ACBD5: variants seen among roughly 807,000 people sequenced by gnomAD.
ACBD5 encodes the protein acyl-CoA binding domain containing 5.
A neutral mutation model predicts 71.8 loss-of-function variants in ACBD5; 40 were observed. The observed-to-expected ratio is 0.56, with a 90% CI of 0.43 to 0.72. The LOEUF is 0.72. ACBD5 is among the 30% of genes least tolerant of loss of function. The pLI is 0.00. For synonymous variants in ACBD5, 229 were observed against 218.6 expected (o/e 1.05, Z -0.42); for missense variants, 559 against 644.5 (o/e 0.87, Z 1.44).
intron 13 of ACBD5, among the ~76,000 whole-genome samples, chr10:27,187,446 G>A (rs924601049): frequency 1.3e-5 from 2 of 152,190 alleles, no homozygotes; most frequent in African/African-American, 4.8e-5. Flanking sequence ...TCCACAATAT[G>A]TATTTGTTTA....
At chr10:27,206,985 T>C (rs1214107848) in intron 10 of ACBD5, among the ~76,000 whole-genome samples, 12 of 151,570 alleles carry the variant, frequency 7.9e-5, no homozygotes, top group Admixed American at 7.9e-4. Context: ...AATAATAATA[T>C]GTAACTGAGA....
chr10:27,186,043 C>T (rs899900097), intron 13 of ACBD5, among the ~76,000 whole-genome samples: 4 of 152,096 alleles, frequency 2.6e-5, no homozygotes, highest in Admixed American at 6.6e-5. Context: ...GAGCAGAGAT[C>T]GCGCCACTGC....
At chr10:27,207,975 T>C (rs1589070284) in intron 10 of ACBD5, among the ~76,000 whole-genome samples, 1 of 152,322 alleles carries the variant, frequency 6.6e-6, no homozygotes, top group Admixed American at 6.5e-5. Context: ...ACTCAGGTGA[T>C]CCACCCACCT....
At chr10:27,211,883 CTT>C (rs2061115765) in intron 8 of ACBD5, among the ~76,000 whole-genome samples, 1 of 151,776 alleles carries the variant, frequency 6.6e-6, no homozygotes, top group Non-Finnish European at 1.5e-5. Flanking sequence ...CTAAGGTTTC[CTT>C]CAGGAAGGGA....
chr10:27,225,361 T>C lies in ACBD5; in HGVS notation c.376-1909A>G, dbSNP rs571190114. On this transcript the variant is annotated intron_variant, in intron 4 of 12. Coordinates refer to ENST00000396271, the MANE Select transcript of ACBD5 (RefSeq NM_145698.5). ...AAGATGGATCATTGGTGGTCTATGGTAGTCAGCAACTCTGATAGGATTACA... is the reference window on the plus strand; with the variant it reads ...AAGATGGATCATTGGTGGTCTATGGCAGTCAGCAACTCTGATAGGATTACA... Among the ~76,000 whole-genome samples, 179 of 152,324 alleles carry C rather than the reference T, an allele frequency of 1.2e-3. 1 individual carries two copies. In the Middle Eastern group the frequency reaches 0.017, roughly 14 times the overall value.
chr10:27,240,264 G>A lies in ACBD5; in HGVS notation c.181+55C>T. 1 of 1,613,656 alleles carries A rather than the reference G, an allele frequency of 6.2e-7. No homozygotes were observed. On this transcript the variant is annotated intron_variant, in intron 2 of 12. Transcript: ENST00000396271. The surrounding 1 kb of genome is among the most constrained non-coding windows in gnomAD (Gnocchi z 4.1). Reference sequence around the variant, plus strand: ...CAACACTAGAACCAGAAAGTGAAAGGGGGCTTTGGGGCTCTCTGCAGGAGG... The same window carrying A: ...CAACACTAGAACCAGAAAGTGAAAGAGGGCTTTGGGGCTCTCTGCAGGAGG...
At chr10:27,239,252 T>A (rs2065154419) in intron 2 of ACBD5, among the ~76,000 whole-genome samples, 1 of 152,230 alleles carries the variant, frequency 6.6e-6, no homozygotes, top group Non-Finnish European at 1.5e-5. Context: ...TAGAAAGATA[T>A]GAATTGAAAA....
At chr10:27,223,932 A>G (rs2062684962) in intron 4 of ACBD5, among the ~76,000 whole-genome samples, 1 of 151,930 alleles carries the variant, frequency 6.6e-6, no homozygotes, top group Non-Finnish European at 1.5e-5. Context: ...AATAAAATAA[A>G]AGGAATCCTT....
intron 9 of ACBD5, among the ~76,000 whole-genome samples, chr10:27,210,330 C>T (rs993728498): frequency 4.6e-5 from 7 of 152,174 alleles, no homozygotes; most frequent in African/African-American, 1.4e-4. Context: ...AGCTATTTGC[C>T]AAGTTAAACC....
intron 7 of ACBD5, among the ~76,000 whole-genome samples, chr10:27,217,174 G>T (rs1477070614): frequency 7.1e-6 from 1 of 140,278 alleles, no homozygotes; most frequent in Non-Finnish European, 1.5e-5. Flanking sequence ...GATGTTTCTC[G>T]GCCGGGCGCG....
Position 27,211,055 on chromosome 10 carries a change from A to C in ACBD5, c.963T>G (p.Asn321Lys), listed in dbSNP as rs1564608878. The C allele has an allele frequency of 9.9e-6, 16 of 1,614,208 alleles. No individual in the cohort carries two copies. Among genetic ancestry groups the C allele is most frequent in the Non-Finnish European group, 1.4e-5 (16 of 1,180,034 alleles). The change falls in exon 9 of 13, where the codon AAT (asparagine) becomes AAG (lysine). Residue 321 changes from asparagine to lysine, a missense_variant. Coordinates refer to ENST00000396271, the MANE Select transcript of ACBD5 (RefSeq NM_145698.5). The part of the protein sequence containing the change: ...EESLDSFTSN[N>K]GPFQYYLGGH... ...CACCCAAGTAATACTGAAATGGTCC[A>C]TTGTTGGACGTAAAGCTGTCTAAAG...
At chr10:27,209,925 A>T (rs898030935) in intron 9 of ACBD5, among the ~76,000 whole-genome samples, 1 of 152,176 alleles carries the variant, frequency 6.6e-6, no homozygotes, top group African/African-American at 2.4e-5. Context: ...ATGAGTTCAA[A>T]TTTTTTCTGT....
Position 27,195,593 on chromosome 10 carries a change from C to T in ACBD5, c.*1837G>A, listed in dbSNP as rs1300724762. ...TGAAAATAATCTTTGATCCACAGGTCTAAATGTTATTTTTACATATAAATT... is the reference window on the plus strand; with the variant it reads ...TGAAAATAATCTTTGATCCACAGGTTTAAATGTTATTTTTACATATAAATT... On this transcript the variant is annotated 3_prime_UTR_variant, in exon 13 of 13. Coordinates refer to ENST00000396271, the MANE Select transcript of ACBD5 (RefSeq NM_145698.5). 2 of 434,848 alleles carry T rather than the reference C, an allele frequency of 4.6e-6. No homozygotes were observed. Among genetic ancestry groups the T allele is most frequent in the African/African-American group, 2.0e-5 (1 of 48,798 alleles). The allele number at this position is 434,848 out of a possible 1,614,324, so 26.9% of individuals were successfully genotyped here.
chr10:27,232,619 G>T (rs552966950), intron 3 of ACBD5, among the ~76,000 whole-genome samples: 1 of 152,052 alleles, frequency 6.6e-6, no homozygotes. Flanking sequence ...GAGCCACTGC[G>T]CCCAGCCAGC....
At chr10:27,209,152 T>G (rs1455800881) in intron 9 of ACBD5, among the ~76,000 whole-genome samples, 1 of 151,900 alleles carries the variant, frequency 6.6e-6, no homozygotes, top group Non-Finnish European at 1.5e-5. Flanking sequence ...CTCGAATGCT[T>G]GGGATCAAGC....
chr10:27,236,095 CAG>C (rs1019848992), intron 2 of ACBD5, among the ~76,000 whole-genome samples: 1 of 127,984 alleles, frequency 7.8e-6, no homozygotes, highest in African/African-American at 3.0e-5. Flanking sequence ...GCCTCGGTGA[CAG>C]AGAAAGACCC....
chr10:27,213,738 C>A (rs2061346177), intron 8 of ACBD5, among the ~76,000 whole-genome samples: 1 of 145,504 alleles, frequency 6.9e-6, no homozygotes, highest in African/African-American at 2.5e-5. Flanking sequence ...GCCTGGGCAA[C>A]AAGAGGGAAA....
downstream of ACBD5, among the ~76,000 whole-genome samples, chr10:27,193,733 T>C (rs1028333216): frequency 2.0e-5 from 3 of 152,078 alleles, no homozygotes; most frequent in Non-Finnish European, 2.9e-5. Flanking sequence ...ACACTAAAGA[T>C]GGGAGAAAGA....
intron 9 of ACBD5, 105 bp downstream of exon 9, chr10:27,210,709 G>A (rs1235295790): frequency 6.7e-7 from 1 of 1,487,700 alleles, no homozygotes; most frequent in Non-Finnish European, 9.2e-7. Flanking sequence ...AGTGAGCCGA[G>A]ATTGCACCAC....
Sources: gnomAD v4.1 joint callset for allele counts (sites outside exome capture counted in the v4.1 genomes callset) on GRCh38, gnomAD v4.1.1 for gene constraint, Gnocchi (gnomAD v3.1) non-coding constraint, MANE v1.5 for transcripts, NCBI Gene and HGNC (gene_info 2026-07-23, HGNC 2026-07-21) for gene names.